DSP: variants seen among roughly 807,000 people sequenced by gnomAD.
DSP encodes desmoplakin, also known as 250/210 kDa paraneoplastic pemphigus antigen.
A neutral mutation model predicts 290.6 loss-of-function variants in DSP; 114 were observed. That is an observed-to-expected ratio of 0.39 (90% confidence interval 0.34 to 0.46). The LOEUF (loss-of-function observed/expected upper bound fraction) is 0.46. Among genes scored for constraint, DSP ranks in the 20% least tolerant of loss-of-function variants. DSP has a pLI of 0.99. For synonymous variants in DSP, 1,311 were observed against 1,316.4 expected (o/e 1.00, Z 0.09); for missense variants, 3,230 against 3,495.8 (o/e 0.92, Z 1.92).
In DSP at chr6:7,563,718, CTT is replaced by C; in HGVS notation, c.727-14_727-13del. ...CCACAAGGGGATTTATATCTACCTG[CTT>C]TTTGTTGTCTTCTAGCGCGAGAAAT... On this transcript the variant is annotated splice_polypyrimidine_tract_variant and intron_variant, in intron 5 of 23. Coordinates refer to ENST00000379802, the MANE Select transcript of DSP (RefSeq NM_004415.4). The C allele has an allele frequency of 2.5e-6, 4 of 1,609,568 alleles. No individual in the cohort carries two copies. The highest frequency in any genetic ancestry group is 3.4e-6 in the Non-Finnish European group (4 of 1,175,878).
Position 7,579,592 on chromosome 6 carries a change from A to G in DSP, c.3402A>G (p.Gln1134=), listed in dbSNP as rs1759351935. Residue 1134 remains glutamine (Q), a synonymous_variant, in exon 23 of 24, where the codon CAA becomes CAG. Coordinates refer to ENST00000379802, the MANE Select transcript of DSP (RefSeq NM_004415.4). This position sits in a 1 kb window ranked among gnomAD's most constrained non-coding sequence, Gnocchi z 4.1. ...AATCTGTGGAAGACAGATTTGACCA[A>G]CAGAAGAATGACTATGACCAACTGC... ...RRKSVEDRFD[Q]QKNDYDQLQK... 1 of 1,613,864 alleles carries G rather than the reference A, an allele frequency of 6.2e-7. No individual in the cohort carries two copies. Among genetic ancestry groups the G allele is most frequent in the African/African-American group, 1.3e-5 (1 of 74,934 alleles).
intron 1 of DSP, among the ~76,000 whole-genome samples, chr6:7,543,498 CAA>C (rs1485311055): frequency 4.1e-4 from 61 of 148,452 alleles, no homozygotes; most frequent in African/African-American, 1.5e-3. Context: ...GAAAATGTGC[CAA>C]GCAATAGAAG....
At chr6:7,559,426 A>T (rs1561681718) in intron 4 of DSP, 26 bp downstream of exon 4, 1 of 1,611,858 alleles carries the variant, frequency 6.2e-7, no homozygotes, top group East Asian at 2.2e-5. Flanking sequence ...AACAGCCCAA[A>T]CCTGTGCAGG....
In DSP at chr6:7,582,605, CATT is replaced by C. The variant is rs1216130961; in HGVS notation, c.5380-33_5380-31del. The C allele has an allele frequency of 4.5e-6, 7 of 1,542,196 alleles. No homozygotes were observed. The African/African-American group carries it at 9.6e-5, about 21-fold the overall frequency. On this transcript the variant is annotated intron_variant, in intron 23 of 23. Transcript: ENST00000379802. The surrounding 1 kb of genome is among the most constrained non-coding windows in gnomAD (Gnocchi z 4.2). Reference sequence around the variant, plus strand: ...GATAGTAATATGATATGATTCAAAACATTATTTTTTCCCATTTCTTTCTTCTTC... The same window carrying C: ...GATAGTAATATGATATGATTCAAAACATTTTTTCCCATTTCTTTCTTCTTC...
In DSP at chr6:7,572,023, C is replaced by T. The variant is rs751917053; in HGVS notation, c.2085C>T (p.Asp695=). The part of the protein sequence containing the change: ...RMTLKNLPLA[D]QGSSHHITVK... ...CTCTCAAAAACCTCCCTCTAGCAGA[C>T]CAGGGATCTTCTCACCACATCACAG... Residue 695 remains aspartate (D), a synonymous_variant, in exon 15 of 24, where the codon GAC becomes GAT. Coordinates refer to ENST00000379802, the MANE Select transcript of DSP (RefSeq NM_004415.4). 6.2e-7 allele frequency: 1 copy of T among 1,614,092 alleles called. No homozygotes were observed. Among genetic ancestry groups the T allele is most frequent in the Non-Finnish European group, 8.5e-7 (1 of 1,180,018 alleles).
intron 18 of DSP, 66 bp from the exon 19 acceptor site, chr6:7,576,225 GGGT>G: frequency 2.0e-6 from 3 of 1,538,010 alleles, no homozygotes; most frequent in Non-Finnish European, 2.7e-6. Flanking sequence ...GTGAATTTCT[GGGT>G]GATTCTATGT....
chr6:7,574,626 C>T lies in DSP; in HGVS notation c.2298-31C>T, dbSNP rs141261750. On this transcript the variant is annotated intron_variant, in intron 16 of 23. Coordinates refer to ENST00000379802, the MANE Select transcript of DSP (RefSeq NM_004415.4). The stretch of plus-strand genomic sequence containing the variant: ...CTTCACAGACTAATTATGTCACTGG[C>T]AATTTTATGTGCTTCTTTTGCTCTT... 2.0e-4 allele frequency: 318 copies of T among 1,613,830 alleles called. 1 individual carries two copies. The African/African-American group carries it at 3.8e-3, about 19-fold the overall frequency.
At chr6:7,544,220 A>G (rs1393347726) in intron 1 of DSP, among the ~76,000 whole-genome samples, 1 of 152,178 alleles carries the variant, frequency 6.6e-6, no homozygotes, top group African/African-American at 2.4e-5. Flanking sequence ...GCTACTGACT[A>G]CAAAATAGCC....
chr6:7,566,263 G>T (rs1421676770), intron 7 of DSP, 114 bp from the exon 8 acceptor site: 11 of 833,906 alleles, frequency 1.3e-5, no homozygotes, highest in Non-Finnish European at 2.2e-5. Context: ...TGATTCTTTG[G>T]CATTGTTCAT....
Position 7,581,563 on chromosome 6 carries a change from T to A in DSP, c.5373T>A (p.Ala1791=). ...RQEIEKFQKQ[A]LEASNRIQES... Reference sequence around the variant, plus strand: ...AAATTGAGAAATTCCAAAAGCAGGCTTTAGAGGTATTCACAAATACTTGAT... The same window carrying A: ...AAATTGAGAAATTCCAAAAGCAGGCATTAGAGGTATTCACAAATACTTGAT... Residue 1791 remains alanine, a synonymous_variant, in exon 23 of 24, where the codon GCT becomes GCA. Coordinates refer to ENST00000379802, the MANE Select transcript of DSP (RefSeq NM_004415.4). The A allele has an allele frequency of 6.2e-7, 1 of 1,613,052 alleles. No homozygotes were observed. Among genetic ancestry groups the A allele is most frequent in the South Asian group, 1.1e-5 (1 of 91,036 alleles).
chr6:7,571,747 A>C, intron 14 of DSP, 95 bp from the exon 15 acceptor site: 1 of 1,497,086 alleles, frequency 6.7e-7, no homozygotes, highest in African/African-American at 1.4e-5. Flanking sequence ...CAAAGGAAGA[A>C]GGTATACTTT....
rs151309106 is a variant in DSP at position 7,585,256 on chromosome 6, C to T, written c.7994C>T (p.Thr2665Met). Residue 2665 changes from threonine (T) to methionine (M), a missense_variant, in exon 24 of 24, where the codon ACG becomes ATG. By Grantham distance (81) the Thr-to-Met change is moderately conservative (BLOSUM62 -1). Coordinates refer to ENST00000379802, the MANE Select transcript of DSP (RefSeq NM_004415.4). The part of the protein sequence containing the change: ...ACTGGIIHPT[T>M]GQKLSLQDAV... Reference sequence around the variant, plus strand: ...ACAGGTGGCATCATCCACCCAACCACGGGCCAGAAGCTGTCACTTCAGGAC... The same window carrying T: ...ACAGGTGGCATCATCCACCCAACCATGGGCCAGAAGCTGTCACTTCAGGAC... 6.8e-5 allele frequency: 109 copies of T among 1,614,040 alleles called. No individual in the cohort carries two copies. Among genetic ancestry groups the T allele is most frequent in the Middle Eastern group, 1.6e-4 (1 of 6,084 alleles).
intron 1 of DSP, among the ~76,000 whole-genome samples, chr6:7,542,286 A>ACC (rs1251918243): frequency 2.0e-5 from 3 of 152,036 alleles, no homozygotes; most frequent in Admixed American, 6.5e-5. Context: ...TGTCCTGCGA[A>ACC]CAGGGACTCG....
chr6:7,570,057 G>A lies in DSP; in HGVS notation c.1575-380G>A, dbSNP rs181483512. Among the ~76,000 whole-genome samples the A allele has an allele frequency of 1.4e-3, 212 of 152,210 alleles. 3 individuals carry two copies. The highest frequency in any genetic ancestry group is 0.012 in the Admixed American group (189 of 15,288). ...AGATTCCTTTAAACCATTTAGTATC[G>A]AAATCTTCAACCACACACTGAATAG... On this transcript the variant is annotated intron_variant, in intron 12 of 23. Coordinates refer to ENST00000379802, the MANE Select transcript of DSP (RefSeq NM_004415.4).
At chr6:7,561,772 T>G (rs544160427) in intron 4 of DSP, among the ~76,000 whole-genome samples, 1 of 152,338 alleles carries the variant, frequency 6.6e-6, no homozygotes, top group South Asian at 2.1e-4. Flanking sequence ...TGGATGTGGC[T>G]TAGAACAATG....
chr6:7,554,239 T>C (rs1758436664), intron 1 of DSP, among the ~76,000 whole-genome samples: 1 of 152,162 alleles, frequency 6.6e-6, no homozygotes, highest in Non-Finnish European at 1.5e-5. Flanking sequence ...AGACATTAAA[T>C]AATCACTTGG....
intron 15 of DSP, among the ~76,000 whole-genome samples, chr6:7,572,338 A>G (rs1390705274): frequency 6.6e-6 from 1 of 152,198 alleles, no homozygotes. Context: ...CTTGCAGAGA[A>G]CAACCTATGA....
intron 2 of DSP, among the ~76,000 whole-genome samples, chr6:7,557,525 C>A (rs1438969305): frequency 1.3e-5 from 2 of 151,870 alleles, no homozygotes; most frequent in Admixed American, 6.6e-5. Context: ...ATTAAAAATA[C>A]AAAAATTAGC....
intron 15 of DSP, among the ~76,000 whole-genome samples, chr6:7,573,762 G>A (rs1759135042): frequency 6.6e-6 from 1 of 152,112 alleles, no homozygotes. Context: ...GGGGTGGGGA[G>A]GGAGGAGGAA....
Sources: gnomAD v4.1 joint callset for allele counts (sites outside exome capture counted in the v4.1 genomes callset) on GRCh38, gnomAD v4.1.1 for gene constraint, Gnocchi (gnomAD v3.1) non-coding constraint, MANE v1.5 for transcripts, NCBI Gene and HGNC (gene_info 2026-07-23, HGNC 2026-07-21) for gene names.